Variants in SEMA3E observed in about 807,000 individuals in gnomAD.
SEMA3E encodes the protein semaphorin 3E.
SEMA3E carries 49 observed loss-of-function variants against 93.6 expected under a neutral mutation model. That is an observed-to-expected ratio of 0.52 (90% CI 0.42 to 0.66). SEMA3E has a LOEUF of 0.66. Among genes scored for constraint, SEMA3E ranks in the 30% least tolerant of loss-of-function variants. The probability of loss-of-function intolerance (pLI) is 0.00; values close to 1 mark genes in which losing one functional copy is unlikely to be tolerated. For missense variants in SEMA3E, 906 were observed against 964.8 expected, an observed-to-expected ratio of 0.94 and a Z score of 0.81; for synonymous variants, 363 against 330.7, an observed-to-expected ratio of 1.10 and a Z score of -1.06.
chr7:83,495,661 A>G (rs927170679), intron 1 of SEMA3E, among the ~76,000 whole-genome samples: 1 of 151,980 alleles, frequency 6.6e-6, no homozygotes, highest in Non-Finnish European at 1.5e-5. Flanking sequence ...AAGTAAAAAT[A>G]TCAACACTGT....
intron 1 of SEMA3E, among the ~76,000 whole-genome samples, chr7:83,544,568 T>C (rs900759266): frequency 1.3e-5 from 2 of 152,152 alleles, no homozygotes; most frequent in Non-Finnish European, 2.9e-5. Context: ...CTAAGTAATT[T>C]ATATGCATTA....
At chr7:83,445,057 G>A (rs1789199083) in intron 4 of SEMA3E, among the ~76,000 whole-genome samples, 1 of 152,128 alleles carries the variant, frequency 6.6e-6, no homozygotes, top group East Asian at 1.9e-4. Context: ...ACTGTCAGAT[G>A]CAGCAAGGAA....
intron 1 of SEMA3E, among the ~76,000 whole-genome samples, chr7:83,578,145 A>AT (rs780864546): frequency 1.6e-5 from 2 of 124,798 alleles, no homozygotes; most frequent in Non-Finnish European, 3.2e-5. Flanking sequence ...GAGTTTTCTC[A>AT]TTAAAAAAAA....
intron 1 of SEMA3E, among the ~76,000 whole-genome samples, chr7:83,543,750 C>T (rs898246358): frequency 2.4e-4 from 36 of 151,934 alleles, no homozygotes; most frequent in Admixed American, 1.8e-3. Context: ...CTATATTGCT[C>T]GTTCTGCATG....
At chr7:83,594,488 C>A (rs1267472609) in intron 1 of SEMA3E, among the ~76,000 whole-genome samples, 1 of 152,102 alleles carries the variant, frequency 6.6e-6, no homozygotes, top group African/African-American at 2.4e-5. Flanking sequence ...ATAAGTTAAC[C>A]TACTGGGTCT....
At position 83,375,464 on chromosome 7, in the gene SEMA3E, T is replaced by C. The variant is rs577471716; in HGVS notation, c.1876-7426A>G. ...AATGCCTGATAATAGTTCAATATTATAGCTATTCTGTAGAGTTAAAACAAT... is the reference window on the plus strand; with the variant it reads ...AATGCCTGATAATAGTTCAATATTACAGCTATTCTGTAGAGTTAAAACAAT... On this transcript the variant is annotated intron_variant, in intron 16 of 16. Transcript: ENST00000643230. 5.3e-5 allele frequency among the ~76,000 whole-genome samples: 8 copies of C among 152,166 alleles called. No individual in the cohort carries two copies. The South Asian group carries it at 1.2e-3, about 24-fold the overall frequency.
At chr7:83,428,462 G>A (rs920512490) in intron 4 of SEMA3E, among the ~76,000 whole-genome samples, 2 of 152,150 alleles carry the variant, frequency 1.3e-5, no homozygotes, top group Non-Finnish European at 2.9e-5. Flanking sequence ...TGAAAGTGCA[G>A]TATTGTTACA....
chr7:83,550,557 T>C (rs1015790637), intron 1 of SEMA3E, among the ~76,000 whole-genome samples: 1 of 152,112 alleles, frequency 6.6e-6, no homozygotes, highest in Non-Finnish European at 1.5e-5. Flanking sequence ...TAAATGTAAA[T>C]GAGAAGCTAT....
At chr7:83,460,586 A>G (rs959760052) in intron 4 of SEMA3E, among the ~76,000 whole-genome samples, 3 of 150,410 alleles carry the variant, frequency 2.0e-5, no homozygotes, top group Admixed American at 6.7e-5. Context: ...GAAAGGGGCA[A>G]GTACCCCAAC....
intron 1 of SEMA3E, among the ~76,000 whole-genome samples, chr7:83,505,244 T>C (rs568126377): frequency 2.6e-3 from 392 of 152,268 alleles, no homozygotes; most frequent in African/African-American, 8.8e-3. Context: ...TCATCCAAAA[T>C]TCTATCTCAT....
intron 1 of SEMA3E, among the ~76,000 whole-genome samples, chr7:83,550,746 C>G (rs938914847): frequency 2.6e-5 from 4 of 151,966 alleles, no homozygotes; most frequent in African/African-American, 7.2e-5. Flanking sequence ...ATAAGATGAC[C>G]AAGAGAAACT....
chr7:83,645,229 G>A (rs921407546), intron 1 of SEMA3E, among the ~76,000 whole-genome samples: 1 of 151,912 alleles, frequency 6.6e-6, no homozygotes, highest in Non-Finnish European at 1.5e-5. Flanking sequence ...TCTTTCCTTG[G>A]TTTCTGTCCT....
chr7:83,492,028 A>C (rs959487655), intron 1 of SEMA3E, among the ~76,000 whole-genome samples: 7 of 152,140 alleles, frequency 4.6e-5, no homozygotes, highest in Non-Finnish European at 7.4e-5. Flanking sequence ...AGGGCTGCCA[A>C]GTGGATTTTT....
At chr7:83,436,696 A>C (rs1224775517) in intron 4 of SEMA3E, among the ~76,000 whole-genome samples, 2 of 152,210 alleles carry the variant, frequency 1.3e-5, no homozygotes, top group African/African-American at 4.8e-5. Context: ...TTTTATATCA[A>C]ACCCAATGGT....
intron 1 of SEMA3E, among the ~76,000 whole-genome samples, chr7:83,634,383 GT>G: frequency 6.6e-6 from 1 of 151,692 alleles, no homozygotes; most frequent in South Asian, 2.1e-4. Flanking sequence ...AGATAATTCA[GT>G]TTTTTTTCTC....
intron 1 of SEMA3E, among the ~76,000 whole-genome samples, chr7:83,608,802 G>A (rs569672344): frequency 6.6e-6 from 1 of 152,042 alleles, no homozygotes; most frequent in East Asian, 1.9e-4. Context: ...ATTTTCAACT[G>A]GTATATAACC....
At chr7:83,400,415 T>G (rs1788215663) in intron 10 of SEMA3E, among the ~76,000 whole-genome samples, 165 bp from the exon 11 acceptor site, 1 of 152,082 alleles carries the variant, frequency 6.6e-6, no homozygotes, top group Non-Finnish European at 1.5e-5. Context: ...AACTTTTATT[T>G]TAGGTTCAGA....
In SEMA3E at chr7:83,464,498, C is replaced by A. The variant is rs1789708007; in HGVS notation, c.456+1984G>T. On this transcript the variant is annotated intron_variant, in intron 4 of 16. Coordinates refer to ENST00000643230, the MANE Select transcript of SEMA3E (RefSeq NM_012431.3). Reference sequence around the variant, plus strand: ...TCCAAGCCATCACAGCTGATATCTCCTGGTGCTATCCCCAAACTGCCACTC... The same window carrying A: ...TCCAAGCCATCACAGCTGATATCTCATGGTGCTATCCCCAAACTGCCACTC... 1.8e-5 allele frequency among the ~76,000 whole-genome samples: 2 copies of A among 108,350 alleles called. 1 individual carries two copies. The highest frequency in any genetic ancestry group is 2.2e-4 in the Admixed American group (2 of 9,302). 71.1% of individuals were successfully genotyped at this position (108,350 alleles called of 152,430 possible).
At chr7:83,404,956 G>T (rs1788299553) in intron 9 of SEMA3E, among the ~76,000 whole-genome samples, 1 of 151,942 alleles carries the variant, frequency 6.6e-6, no homozygotes, top group Non-Finnish European at 1.5e-5. Context: ...ACACTGATTG[G>T]CATCTGTCAA....
Sources: gnomAD v4.1 joint callset for allele counts (sites outside exome capture counted in the v4.1 genomes callset) on GRCh38, gnomAD v4.1.1 for gene constraint, MANE v1.5 for transcripts, NCBI Gene and HGNC (gene_info 2026-07-23, HGNC 2026-07-21) for gene names.